The following CIT variants were observed in gnomAD, a reference collection of about 807,000 sequenced individuals.
The protein encoded by CIT is citron Rho-interacting kinase.
A neutral mutation model predicts 272.7 loss-of-function variants in CIT; 79 were observed. That is an observed-to-expected ratio of 0.29 (90% CI 0.24 to 0.35). The LOEUF (loss-of-function observed/expected upper bound fraction) is 0.35, where lower values mean the gene tolerates loss of function less well. CIT is among the 10% of genes least tolerant of loss of function. The probability of loss-of-function intolerance (pLI) is 1.00; values close to 1 mark genes in which losing one functional copy is unlikely to be tolerated. For synonymous variants in CIT, 948 were observed against 995.6 expected (o/e 0.95, Z 0.90); for missense variants, 1,909 against 2,618.3 (o/e 0.73, Z 5.91).
At chr12:119,835,318 G>A (rs979614926) in intron 5 of CIT, among the ~76,000 whole-genome samples, 4 of 152,194 alleles carry the variant, frequency 2.6e-5, no homozygotes, top group African/African-American at 9.7e-5. Context: ...CACTGTGTGA[G>A]GATTGAGTAA....
At chr12:119,815,674 C>A (rs1052261665) in intron 9 of CIT, among the ~76,000 whole-genome samples, 2 of 151,876 alleles carry the variant, frequency 1.3e-5, no homozygotes, top group African/African-American at 4.8e-5. Flanking sequence ...CCATTGCACT[C>A]CAGCCTGGGC....
rs2138045277 is a variant in CIT at position 119,822,919 on chromosome 12, T to C, written c.1012A>G (p.Ile338Val). ...PKVSSDFLDL[I>V]QSLLCGQKER... is the part of the protein sequence containing the mutation. ...TTCTGGCCGCACAACAAGCTTTGAA[T>C]CAGATCAAGAAAGTCACTGCTCACT... The change falls in exon 9 of 48, where the codon ATT becomes GTT. Residue 338 changes from isoleucine (I) to valine (V), a missense_variant. Physicochemically the swap from Ile to Val is conservative, Grantham distance 29. Around this residue, in one of 8 missense-constraint regions of CIT, gnomAD observed 529 missense variants for 549.6 expected, o/e 0.96. Transcript: ENST00000392521. 3 of 1,614,076 alleles carry C rather than the reference T, an allele frequency of 1.9e-6. No individual in the cohort carries two copies. Among genetic ancestry groups the C allele is most frequent in the Non-Finnish European group, 2.5e-6 (3 of 1,179,990 alleles).
intron 10 of CIT, among the ~76,000 whole-genome samples, chr12:119,788,590 A>G (rs1275972954): frequency 6.6e-6 from 1 of 152,162 alleles, no homozygotes; most frequent in East Asian, 1.9e-4. Context: ...TGACACATAG[A>G]AGGCTGGCCC....
chr12:119,833,752 T>C (rs1048636159), intron 6 of CIT, among the ~76,000 whole-genome samples: 4 of 152,036 alleles, frequency 2.6e-5, no homozygotes, highest in Admixed American at 6.6e-5. Context: ...CTATGTGGTA[T>C]GACATTTCCT....
chr12:119,718,866 C>T lies in CIT; in HGVS notation c.3841-5G>A, dbSNP rs1957684538. The T allele has an allele frequency of 1.2e-6, 2 of 1,613,836 alleles. No homozygotes were observed. Among genetic ancestry groups the T allele is most frequent in the South Asian group, 2.2e-5 (2 of 91,082 alleles). On this transcript the variant is annotated splice_polypyrimidine_tract_variant and splice_region_variant and intron_variant, in intron 30 of 47. Coordinates refer to ENST00000392521, the MANE Select transcript of CIT (RefSeq NM_001206999.2). This position sits in a 1 kb window ranked among gnomAD's most constrained non-coding sequence, Gnocchi z 4.8. ...TTTCCGTCGACTAAATAAACCCTAG[C>T]AATGGAAACAGAGATATCTCCTAAC... is the stretch of plus-strand genomic sequence containing the variant.
intron 23 of CIT, among the ~76,000 whole-genome samples, chr12:119,749,725 A>AT (rs909575438): frequency 2.0e-4 from 29 of 147,530 alleles, no homozygotes; most frequent in South Asian, 8.6e-4. Flanking sequence ...TTGTTTCCTT[A>AT]TTTTTTTTTT....
intron 17 of CIT, among the ~76,000 whole-genome samples, chr12:119,771,480 G>A (rs1963140720): frequency 6.6e-6 from 1 of 152,140 alleles, no homozygotes; most frequent in Admixed American, 6.5e-5. Context: ...GGCCCCAAGA[G>A]AAGCCTGGAA....
chr12:119,723,104 C>A (rs1306076571), intron 28 of CIT, among the ~76,000 whole-genome samples: 1 of 151,838 alleles, frequency 6.6e-6, no homozygotes, highest in Non-Finnish European at 1.5e-5. Context: ...GGCCCGTGTG[C>A]GTAATCTGGA....
intron 5 of CIT, among the ~76,000 whole-genome samples, chr12:119,836,643 T>C (rs972131647): frequency 2.0e-5 from 3 of 152,158 alleles, no homozygotes; most frequent in Non-Finnish European, 2.9e-5. Context: ...ATAAGAACAA[T>C]GCATATTTAT....
intron 40 of CIT, 37 bp downstream of exon 40, chr12:119,708,142 G>C (rs1956972595): frequency 6.8e-7 from 1 of 1,468,966 alleles, no homozygotes; most frequent in Admixed American, 2.4e-5. Flanking sequence ...TCAATTTCCA[G>C]AACATTCCAC....
At position 119,726,385 on chromosome 12, in the gene CIT, A is replaced by ATTTTTTTTTTT. The variant is rs3999547; in HGVS notation, c.3591+2106_3591+2116dup. On this transcript the variant is annotated intron_variant, in intron 28 of 47. Coordinates refer to ENST00000392521, the MANE Select transcript of CIT (RefSeq NM_001206999.2). The stretch of plus-strand genomic sequence containing the variant: ...AACTGCACACCACCACACTTGGCTA[A>ATTTTTTTTTTT]TTTTTTTTTTTTTTTTTTTTTTTTT... 1.1e-4 allele frequency among the ~76,000 whole-genome samples: 11 copies of ATTTTTTTTTTT among 101,418 alleles called. 2 individuals are homozygous for ATTTTTTTTTTT. The highest frequency in any genetic ancestry group is 9.4e-5 in the Non-Finnish European group (5 of 52,992). 66.5% of individuals were successfully genotyped at this position (101,418 alleles called of 152,430 possible).
At position 119,735,393 on chromosome 12, in the gene CIT, A is replaced by C. The variant is rs545794471; in HGVS notation, c.2959-36T>G. 1.7e-5 allele frequency: 27 copies of C among 1,598,842 alleles called. No homozygotes were observed. The African/African-American group carries it at 3.2e-4, about 19-fold the overall frequency. ...AAAGGAATCCAGTTACACGCCAAGC[A>C]CATTCATTTCAAATAAGAAATTGCT... On this transcript the variant is annotated intron_variant, in intron 24 of 47. Transcript: ENST00000392521.
chr12:119,712,379 G>A lies in CIT; in HGVS notation c.4685-32C>T. 1 of 1,585,960 alleles carries A rather than the reference G, an allele frequency of 6.3e-7. No individual in the cohort carries two copies. The highest frequency in any genetic ancestry group is 8.6e-7 in the Non-Finnish European group (1 of 1,163,496). On this transcript the variant is annotated intron_variant, in intron 36 of 47. Coordinates refer to ENST00000392521, the MANE Select transcript of CIT (RefSeq NM_001206999.2). This position sits in a 1 kb window ranked among gnomAD's most constrained non-coding sequence, Gnocchi z 5.2. ...GATTTCAGAGAGCACAGGATTGGGTGTGGATTTCCCCCGTTCCCACTGGGA... is the reference window on the plus strand; with the variant it reads ...GATTTCAGAGAGCACAGGATTGGGTATGGATTTCCCCCGTTCCCACTGGGA...
chr12:119,705,888 G>A lies in CIT; in HGVS notation c.5212-1433C>T, dbSNP rs373309026. Among the ~76,000 whole-genome samples, 9 of 151,534 alleles carry A rather than the reference G, an allele frequency of 5.9e-5. No homozygotes were observed. The East Asian group carries it at 1.2e-3, about 20-fold the overall frequency. On this transcript the variant is annotated intron_variant, in intron 40 of 47. Transcript: ENST00000392521. ...GTGGATCACTTGAGGCCAGGAGTTC[G>A]AGACTAGCCTGGCCAACATGGTCAA...
chr12:119,698,333 T>C, intron 44 of CIT: 1 of 413,026 alleles, frequency 2.4e-6, no homozygotes, highest in Non-Finnish European at 4.5e-6. Context: ...CTCACGCCTG[T>C]AATCCCAGCA....
In CIT at chr12:119,721,408, G is replaced by A. The variant is rs765652251; in HGVS notation, c.3633C>T (p.His1211=). 1.2e-5 allele frequency: 19 copies of A among 1,610,890 alleles called. No individual in the cohort carries two copies. Among genetic ancestry groups the A allele is most frequent in the Non-Finnish European group, 1.4e-5 (17 of 1,177,518 alleles). Residue 1211 remains histidine (H), a synonymous_variant, in exon 29 of 48, where the codon CAC becomes CAT. Coordinates refer to ENST00000392521, the MANE Select transcript of CIT (RefSeq NM_001206999.2). ...GCAGTCCTTGAGTCAGACGGAAAATGTGATTTTTCTGCAGGTCCATCTGCT... is the reference window on the plus strand; with the variant it reads ...GCAGTCCTTGAGTCAGACGGAAAATATGATTTTTCTGCAGGTCCATCTGCT... ...LQQQMDLQKN[H]IFRLTQGLQE...
chr12:119,719,023 G>A (rs543516432), intron 30 of CIT, 162 bp from the exon 31 acceptor site: 54 of 685,768 alleles, frequency 7.9e-5, no homozygotes, highest in African/African-American at 6.1e-4. Context: ...AGGGTAGGCT[G>A]AGCCACAGCC....
intron 24 of CIT, among the ~76,000 whole-genome samples, chr12:119,738,967 G>A (rs1200705188): frequency 6.6e-6 from 1 of 151,722 alleles, no homozygotes; most frequent in Non-Finnish European, 1.5e-5. Context: ...TTGTTTTTCA[G>A]TGCTATCATG....
At chr12:119,861,535 C>T (rs942892046) in intron 3 of CIT, among the ~76,000 whole-genome samples, 6 of 151,168 alleles carry the variant, frequency 4.0e-5, no homozygotes, top group Admixed American at 2.0e-4. Context: ...TGCAGTGAGC[C>T]GAGATCGCGC....
Sources: gnomAD v4.1 joint callset for allele counts (sites outside exome capture counted in the v4.1 genomes callset) on GRCh38, gnomAD v4.1.1 for gene constraint, gnomAD v4.1.1 regional missense constraint, Gnocchi (gnomAD v3.1) non-coding constraint, MANE v1.5 for transcripts, NCBI Gene and HGNC (gene_info 2026-07-23, HGNC 2026-07-21) for gene names.